The following GRIN2D variants were observed in gnomAD, a reference collection of about 807,000 sequenced individuals.
The protein encoded by GRIN2D is glutamate ionotropic receptor NMDA type subunit 2D.
GRIN2D carries 37 observed loss-of-function variants against 103.2 expected under a neutral mutation model. The ratio of observed to expected loss-of-function variants is 0.36; its 90% CI spans 0.28 to 0.47. GRIN2D has a LOEUF of 0.47. Among genes scored for constraint, GRIN2D ranks in the 20% least tolerant of loss-of-function variants. The pLI, the probability that GRIN2D is intolerant of heterozygous loss-of-function variation, is 1.00. For synonymous variants in GRIN2D, 845 were observed against 885.6 expected, an observed-to-expected ratio of 0.95 and a Z score of 0.81; for missense variants, 1,557 against 1,910.6, an observed-to-expected ratio of 0.81 and a Z score of 3.45.
chr19:48,409,781 CT>C (rs1175258476), intron 4 of GRIN2D, among the ~76,000 whole-genome samples: 1 of 150,982 alleles, frequency 6.6e-6, no homozygotes, highest in Non-Finnish European at 1.5e-5. Context: ...GGACATGATT[CT>C]TTTTTTTCTT....
chr19:48,395,844 G>A (rs933248926), intron 2 of GRIN2D, among the ~76,000 whole-genome samples: 7 of 152,086 alleles, frequency 4.6e-5, no homozygotes, highest in African/African-American at 1.7e-4. Context: ...GGGGGAAGAG[G>A]GGAGCTGGGG....
intron 7 of GRIN2D, 113 bp downstream of exon 7, chr19:48,415,145 C>G: frequency 1.0e-6 from 1 of 984,540 alleles, no homozygotes; most frequent in East Asian, 2.6e-5. Context: ...CCGAGGCGGG[C>G]GAATTGCCTG....
At chr19:48,416,493 T>C (rs1451548610) in intron 8 of GRIN2D, among the ~76,000 whole-genome samples, 1 of 152,160 alleles carries the variant, frequency 6.6e-6, no homozygotes, top group Non-Finnish European at 1.5e-5. Context: ...TTGTGCAAGC[T>C]TCAGGCCCCA....
rs530668884 is a variant in GRIN2D at position 48,421,094 on chromosome 19, A to C, written c.2092-691A>C. The stretch of plus-strand genomic sequence containing the variant: ...TTTTAATGGAATGGAGTAGAATAGA[A>C]TAGTTGCCTGCATCTTATGTATAAG... On this transcript the variant is annotated intron_variant, in intron 10 of 13. Transcript: ENST00000263269. This position sits in a 1 kb window ranked among gnomAD's most constrained non-coding sequence, Gnocchi z 4.8. 1.6e-4 allele frequency among the ~76,000 whole-genome samples: 25 copies of C among 152,292 alleles called. No individual in the cohort carries two copies. The highest frequency in any genetic ancestry group is 5.5e-4 in the African/African-American group (23 of 41,564).
In GRIN2D at chr19:48,394,534, G is replaced by A. The variant is rs1970611047; in HGVS notation, c.-305-124G>A. On this transcript the variant is annotated intron_variant, in intron 1 of 13. Coordinates refer to ENST00000263269, the MANE Select transcript of GRIN2D (RefSeq NM_000836.4). This position sits in a 1 kb window ranked among gnomAD's most constrained non-coding sequence, Gnocchi z 5.1. ...CGGGACTGGACACATGGAAAGGGGG[G>A]AGGAGCCGGGGCTGAAGCGGCAGAG... 6.8e-6 allele frequency among the ~76,000 whole-genome samples: 1 copy of A among 146,224 alleles called. No homozygotes were observed. The highest frequency in any genetic ancestry group is 1.5e-5 in the Non-Finnish European group (1 of 66,188).
chr19:48,394,601 C>T lies in GRIN2D; in HGVS notation c.-305-57C>T, dbSNP rs1174999980. On this transcript the variant is annotated intron_variant, in intron 1 of 13. Coordinates refer to ENST00000263269, the MANE Select transcript of GRIN2D (RefSeq NM_000836.4). The surrounding 1 kb of genome is among the most constrained non-coding windows in gnomAD (Gnocchi z 5.1). ...GGCGGAGGGGGGATCCCCACGGGGTCGGGGCGGCAAGAGGACACCCCGACA... is the reference window on the plus strand; with the variant it reads ...GGCGGAGGGGGGATCCCCACGGGGTTGGGGCGGCAAGAGGACACCCCGACA... Among the ~76,000 whole-genome samples, 1 of 151,214 alleles carries T rather than the reference C, an allele frequency of 6.6e-6. No individual in the cohort carries two copies. The highest frequency in any genetic ancestry group is 1.5e-5 in the Non-Finnish European group (1 of 67,824).
chr19:48,439,977 T>C lies in GRIN2D; in HGVS notation c.2253-1792T>C, dbSNP rs531424842. Among the ~76,000 whole-genome samples, 161 of 151,946 alleles carry C rather than the reference T, an allele frequency of 1.1e-3. 1 individual carries two copies. The highest frequency in any genetic ancestry group is 3.4e-3 in the African/African-American group (140 of 41,420). On this transcript the variant is annotated intron_variant, in intron 11 of 13. Transcript: ENST00000263269. ...CTGTAATCCCAGCATTTTGGGAGGC[T>C]GAGTTGGGTGGATCAACTGAGGTCA...
chr19:48,421,937 C>G lies in GRIN2D; in HGVS notation c.2244C>G (p.Leu748=). The G allele has an allele frequency of 1.9e-6, 3 of 1,613,930 alleles. No individual in the cohort carries two copies. The highest frequency in any genetic ancestry group is 2.5e-6 in the Non-Finnish European group (3 of 1,179,872). The change falls in exon 11 of 14, where the codon CTC becomes CTG. Residue 748 remains leucine (L), a synonymous_variant. Transcript: ENST00000263269. This position sits in a 1 kb window ranked among gnomAD's most constrained non-coding sequence, Gnocchi z 4.8. ...GCGTAGAGGAAGCGCTCACTCAGCT[C>G]AAGGCAGGGTCAGCGCAGACTCGGG... ...QPRVEEALTQ[L]KAGKLDAFIY... is the part of the protein sequence containing the mutation.
chr19:48,418,136 C>A (rs1346758282), intron 8 of GRIN2D, among the ~76,000 whole-genome samples: 2 of 150,980 alleles, frequency 1.3e-5, no homozygotes, highest in Non-Finnish European at 2.9e-5. Flanking sequence ...TGGGTTCAAG[C>A]AATTCTCCTG....
intron 3 of GRIN2D, among the ~76,000 whole-genome samples, chr19:48,404,240 C>CA (rs34530972): frequency 0.11 from 13,396 of 116,586 alleles, 866 homozygotes; most frequent in African/African-American, 0.21. Context: ...AATTCCATCT[C>CA]AAAAAAAAAA....
Position 48,443,774 on chromosome 19 carries a change from C to T in GRIN2D, c.3848C>T (p.Pro1283Leu), listed in dbSNP as rs974342522. ...CTCAGCTCGTGCCCTCGCGCCGCCC[C>T]TGCGCGCAGGCTTACCGGGCCCTCC... The part of the protein sequence containing the change: ...EDLSSCPRAA[P>L]ARRLTGPSRH... Residue 1283 changes from proline (P) to leucine (L), a missense_variant, in exon 14 of 14, where the codon CCT becomes CTT. Pro to Leu is a moderately conservative substitution (Grantham distance 98). Transcript: ENST00000263269. This position sits in a 1 kb window ranked among gnomAD's most constrained non-coding sequence, Gnocchi z 8.9. 2 of 1,442,266 alleles carry T rather than the reference C, an allele frequency of 1.4e-6. No individual in the cohort carries two copies. The highest frequency in any genetic ancestry group is 3.0e-5 in the African/African-American group (2 of 67,090). 89.3% of individuals were successfully genotyped at this position (1,442,266 alleles called of 1,614,324 possible).
At chr19:48,406,922 C>T (rs1446596553) in intron 4 of GRIN2D, among the ~76,000 whole-genome samples, 3 of 152,242 alleles carry the variant, frequency 2.0e-5, no homozygotes, top group Middle Eastern at 6.8e-3. Flanking sequence ...CTGGGGCCAG[C>T]TACTCTTTCA....
In GRIN2D at chr19:48,443,002, G is replaced by T; in HGVS notation, c.3076G>T (p.Gly1026Cys). The change falls in exon 14 of 14, where the codon GGC (glycine) becomes TGC (cysteine). Residue 1026 changes from glycine (G) to cysteine (C), a missense_variant. By Grantham distance (159) the Gly-to-Cys change is radical. Around this residue, in one of 7 missense-constraint regions of GRIN2D, gnomAD observed 632 missense variants for 572.8 expected, o/e 1.10. Coordinates refer to ENST00000263269, the MANE Select transcript of GRIN2D (RefSeq NM_000836.4). The surrounding 1 kb of genome is among the most constrained non-coding windows in gnomAD (Gnocchi z 8.9). ...CGAGCCCCCCGCCGGCGCCTTCCCC[G>T]GCTTCCCGTCGCCGCCCGCGCCCCC... ...PAEPPAGAFPGFPSPPAPPAA... is the reference protein window; with the variant it reads ...PAEPPAGAFPCFPSPPAPPAA... The T allele has an allele frequency of 9.2e-7, 1 of 1,092,886 alleles. No homozygotes were observed. Among genetic ancestry groups the T allele is most frequent in the Non-Finnish European group, 1.1e-6 (1 of 898,020 alleles). The allele number at this position is 1,092,886 out of a possible 1,614,324, so 67.7% of individuals were successfully genotyped here.
At chr19:48,413,359 A>G (rs1475155600) in intron 4 of GRIN2D, among the ~76,000 whole-genome samples, 1 of 151,212 alleles carries the variant, frequency 6.6e-6, no homozygotes, top group Non-Finnish European at 1.5e-5. Flanking sequence ...GAACACCTGC[A>G]ATCCCAGCTA....
At chr19:48,427,947 AG>A (rs1189955302) in intron 11 of GRIN2D, among the ~76,000 whole-genome samples, 1 of 151,930 alleles carries the variant, frequency 6.6e-6, no homozygotes, top group Non-Finnish European at 1.5e-5. Flanking sequence ...CTGTGAGGGA[AG>A]GATCTGTCCA....
At chr19:48,425,969 T>C (rs1408455076) in intron 11 of GRIN2D, among the ~76,000 whole-genome samples, 2 of 152,094 alleles carry the variant, frequency 1.3e-5, no homozygotes, top group African/African-American at 4.8e-5. Flanking sequence ...ATATAATTAG[T>C]TTTGCCTGAT....
At position 48,444,024 on chromosome 19, in the gene GRIN2D, T is replaced by G. The variant is rs1971348561; in HGVS notation, c.*87T>G. The G allele has an allele frequency of 2.2e-6, 2 of 919,338 alleles. No homozygotes were observed. The highest frequency in any genetic ancestry group is 3.5e-5 in the African/African-American group (2 of 57,296). 56.9% of individuals were successfully genotyped at this position (919,338 alleles called of 1,614,324 possible). ...CGCAGTGGACAGGACCCGCGTGGGTTGGGAAGGAAAGCAGTGGAACTGGCC... is the reference window on the plus strand; with the variant it reads ...CGCAGTGGACAGGACCCGCGTGGGTGGGGAAGGAAAGCAGTGGAACTGGCC... On this transcript the variant is annotated 3_prime_UTR_variant, in exon 14 of 14. Coordinates refer to ENST00000263269, the MANE Select transcript of GRIN2D (RefSeq NM_000836.4). This position sits in a 1 kb window ranked among gnomAD's most constrained non-coding sequence, Gnocchi z 5.5.
In GRIN2D at chr19:48,414,670, T is replaced by C. The variant is rs1318053738; in HGVS notation, c.1412+86T>C. On this transcript the variant is annotated intron_variant, in intron 6 of 13. Transcript: ENST00000263269. The surrounding 1 kb of genome is among the most constrained non-coding windows in gnomAD (Gnocchi z 4.6). ...TCTGGGCCCCCAGCCCCCTCCTCCC[T>C]TGGGACCCAGGACCCACAAAGCCCT... The C allele has an allele frequency of 1.2e-5, 16 of 1,359,350 alleles. No individual in the cohort carries two copies. The highest frequency in any genetic ancestry group is 5.0e-5 in the East Asian group (2 of 40,130). 84.2% of individuals were successfully genotyped at this position (1,359,350 alleles called of 1,614,324 possible).
chr19:48,415,426 T>C (rs117650072), intron 7 of GRIN2D, among the ~76,000 whole-genome samples: 5,582 of 146,942 alleles, frequency 0.038, 256 homozygotes, highest in East Asian at 0.25. Context: ...CGCGGCCAAA[T>C]TGAGGAAACA....
Sources: gnomAD v4.1 joint callset for allele counts (sites outside exome capture counted in the v4.1 genomes callset) on GRCh38, gnomAD v4.1.1 for gene constraint, gnomAD v4.1.1 regional missense constraint, Gnocchi (gnomAD v3.1) non-coding constraint, MANE v1.5 for transcripts, NCBI Gene and HGNC (gene_info 2026-07-23, HGNC 2026-07-21) for gene names.